Variants in COL4A2 observed in about 807,000 individuals in gnomAD.
The protein encoded by COL4A2 is collagen alpha-2(IV) chain.
Under a neutral mutation model 200.2 loss-of-function variants are expected in COL4A2, and 99 were observed. The observed-to-expected ratio is 0.49, with a 90% CI of 0.42 to 0.58. The LOEUF (loss-of-function observed/expected upper bound fraction) is 0.58. COL4A2 is among the 20% of genes least tolerant of loss of function. COL4A2 has a pLI of 0.00. For synonymous variants in COL4A2, 897 were observed against 900.6 expected, an observed-to-expected ratio of 1.00 and a Z score of 0.07; for missense variants, 1,950 against 2,314.1, an observed-to-expected ratio of 0.84 and a Z score of 3.23.
rs746145513 is a variant in COL4A2, at chr13:110,450,314, G to C, written c.1199G>C (p.Arg400Thr). 130 of 1,613,662 alleles carry C rather than the reference G, an allele frequency of 8.1e-5. 1 individual carries two copies. In the South Asian group the frequency reaches 1.1e-3, roughly 14 times the overall value. The change falls in exon 20 of 48, where the codon AGA becomes ACA. Residue 400 changes from arginine to threonine, a missense_variant. By Grantham distance (71) the Arg-to-Thr change is moderately conservative. Coordinates refer to ENST00000360467, the MANE Select transcript of COL4A2 (RefSeq NM_001846.4). ...GLSIGDGDQR[R>T]GLPGEMGPKG... ...TGCTGTTTGGTTTCAGATCAGAGGA[G>C]AGGCCTGCCGGGTGAGATGGGACCC...
intron 34 of COL4A2, among the ~76,000 whole-genome samples, chr13:110,487,368 G>A (rs556449484): frequency 1.3e-5 from 2 of 152,304 alleles, no homozygotes; most frequent in East Asian, 1.9e-4. Flanking sequence ...CGGAAGAATC[G>A]CTGGAACCCA....
chr13:110,490,058 A>C (rs150107008), intron 36 of COL4A2, among the ~76,000 whole-genome samples: 30 of 152,354 alleles, frequency 2.0e-4, no homozygotes, highest in Non-Finnish European at 4.0e-4. Context: ...ACTGCAGTCC[A>C]TAAAGTGTAA....
intron 3 of COL4A2, among the ~76,000 whole-genome samples, chr13:110,329,181 T>C (rs550820366): frequency 2.0e-4 from 31 of 152,350 alleles, no homozygotes; most frequent in African/African-American, 6.7e-4. Context: ...GTTACTTCAA[T>C]ACTTGGGGTA....
intron 4 of COL4A2, among the ~76,000 whole-genome samples, chr13:110,385,556 T>G (rs1878679176): frequency 7.0e-6 from 1 of 143,106 alleles, no homozygotes; most frequent in African/African-American, 2.6e-5. Flanking sequence ...TTGCAGTGTG[T>G]GGATAGACCG....
chr13:110,318,961 C>T lies in COL4A2; in HGVS notation c.99+10838C>T, dbSNP rs140402088. 1.0e-3 allele frequency among the ~76,000 whole-genome samples: 152 copies of T among 152,126 alleles called. 1 individual carries two copies. The highest frequency in any genetic ancestry group is 3.4e-3 in the African/African-American group (141 of 41,490). On this transcript the variant is annotated intron_variant, in intron 3 of 47. Transcript: ENST00000360467. ...TTGGGGGTTGTGTCTGCAGGATTCT[C>T]GGTTCTGCAGGTGAAATTGTCCCTT...
chr13:110,427,159 GTTGTT>G (rs1291470962), intron 6 of COL4A2, among the ~76,000 whole-genome samples: 4 of 152,194 alleles, frequency 2.6e-5, no homozygotes, highest in African/African-American at 7.2e-5. Flanking sequence ...TTTGTTTTGT[GTTGTT>G]TTGTTTTGAG....
chr13:110,438,393 C>G (rs1423207648), intron 14 of COL4A2, among the ~76,000 whole-genome samples: 1 of 152,208 alleles, frequency 6.6e-6, no homozygotes, highest in Non-Finnish European at 1.5e-5. Flanking sequence ...GGTCGCTTAC[C>G]ACGTGACATG....
intron 32 of COL4A2, among the ~76,000 whole-genome samples, chr13:110,483,562 A>T (rs1301801333): frequency 6.6e-6 from 1 of 152,286 alleles, no homozygotes; most frequent in Non-Finnish European, 1.5e-5. Context: ...TTCAGTGCTG[A>T]GGAAGGATGG....
intron 28 of COL4A2, among the ~76,000 whole-genome samples, chr13:110,470,694 G>A (rs1440474595): frequency 6.6e-6 from 1 of 152,198 alleles, no homozygotes; most frequent in African/African-American, 2.4e-5. Flanking sequence ...CATCGGGACT[G>A]TTGCGCCCTT....
chr13:110,500,524 C>T (rs1432736504), intron 40 of COL4A2, among the ~76,000 whole-genome samples: 1 of 152,164 alleles, frequency 6.6e-6, no homozygotes, highest in African/African-American at 2.4e-5. Flanking sequence ...CCACAGATTT[C>T]CTTATGTGGC....
chr13:110,451,295 C>T (rs574016187), intron 20 of COL4A2, among the ~76,000 whole-genome samples: 35 of 152,318 alleles, frequency 2.3e-4, no homozygotes, highest in African/African-American at 7.2e-4. Context: ...GGGCCACATG[C>T]GGCCCAGGAC....
At chr13:110,368,082 G>A (rs191419573) in intron 4 of COL4A2, among the ~76,000 whole-genome samples, 1 of 152,256 alleles carries the variant, frequency 6.6e-6, no homozygotes, top group Non-Finnish European at 1.5e-5. Context: ...ACTTCTCTTC[G>A]AAGAATGATA....
intron 3 of COL4A2, among the ~76,000 whole-genome samples, chr13:110,313,203 C>T (rs188869393): frequency 2.5e-3 from 374 of 152,242 alleles, no homozygotes; most frequent in African/African-American, 8.7e-3. Flanking sequence ...TGGATAGTCC[C>T]CTCTTGCTGT....
At position 110,493,330 on chromosome 13, in the gene COL4A2, G is replaced by A. The variant is rs192988010; in HGVS notation, c.3634+48G>A. The A allele has an allele frequency of 3.1e-3, 4,897 of 1,586,938 alleles. 22 individuals carry two copies. The highest frequency in any genetic ancestry group is 8.8e-3 in the East Asian group (395 of 44,706). ...CGAGTCCCACGCAGAGGTGTCGAGG[G>A]TGGGGACTCTGTGCTGAGTCTGCCC... On this transcript the variant is annotated intron_variant, in intron 39 of 47. Coordinates refer to ENST00000360467, the MANE Select transcript of COL4A2 (RefSeq NM_001846.4).
In COL4A2 at chr13:110,396,542, C is replaced by G. The variant is rs369455015; in HGVS notation, c.181-28192C>G. Among the ~76,000 whole-genome samples, 51 of 152,280 alleles carry G rather than the reference C, an allele frequency of 3.3e-4. No homozygotes were observed. The South Asian group carries it at 8.3e-3, about 25-fold the overall frequency. On this transcript the variant is annotated intron_variant, in intron 4 of 47. Transcript: ENST00000360467. ...TCCAGGAGTGGTAGAATCTGGCCATCAAGATGTTCTGTGAAATGGGGCTCT... is the reference window on the plus strand; with the variant it reads ...TCCAGGAGTGGTAGAATCTGGCCATGAAGATGTTCTGTGAAATGGGGCTCT...
chr13:110,508,468 G>T lies in COL4A2; in HGVS notation c.4881+247G>T. ...ATTTGCCACCAGGCCTTTGTAAGGA[G>T]TGTAACCAGGACGAACTTGCCTGTT... is the stretch of plus-strand genomic sequence containing the variant. On this transcript the variant is annotated intron_variant, in intron 47 of 47. Transcript: ENST00000360467. This position sits in a 1 kb window ranked among gnomAD's most constrained non-coding sequence, Gnocchi z 6.1. 1.6e-6 allele frequency: 1 copy of T among 622,546 alleles called. No homozygotes were observed. The highest frequency in any genetic ancestry group is 2.0e-5 in the South Asian group (1 of 49,432). The allele number at this position is 622,546 out of a possible 1,614,324, so 38.6% of individuals were successfully genotyped here. A position where few individuals can be genotyped will look rare whatever the true frequency, so the allele number is the denominator to read the frequency against.
At chr13:110,468,776 C>T (rs1039548228) in intron 27 of COL4A2, among the ~76,000 whole-genome samples, 10 of 152,180 alleles carry the variant, frequency 6.6e-5, no homozygotes, top group African/African-American at 2.2e-4. Context: ...CTGGAGCCCA[C>T]ACACTGGGCC....
chr13:110,370,734 G>T (rs1442933623), intron 4 of COL4A2, among the ~76,000 whole-genome samples: 3 of 152,182 alleles, frequency 2.0e-5, no homozygotes, highest in Admixed American at 6.5e-5. Context: ...GTGTTCTTCT[G>T]CCCTTGATTT....
At chr13:110,475,877 A>C (rs1882687181) in intron 29 of COL4A2, among the ~76,000 whole-genome samples, 1 of 152,262 alleles carries the variant, frequency 6.6e-6, no homozygotes, top group Non-Finnish European at 1.5e-5. Flanking sequence ...TTTAACAGAT[A>C]GTCTATAAGT....
Sources: gnomAD v4.1 joint callset for allele counts (sites outside exome capture counted in the v4.1 genomes callset) on GRCh38, gnomAD v4.1.1 for gene constraint, Gnocchi (gnomAD v3.1) non-coding constraint, MANE v1.5 for transcripts, NCBI Gene and HGNC (gene_info 2026-07-23, HGNC 2026-07-21) for gene names.